Variants in VPS13D observed in about 807,000 individuals in gnomAD.
VPS13D encodes the protein intermembrane lipid transfer protein VPS13D.
In VPS13D, 187 loss-of-function variants were observed where a neutral mutation model predicts 461.9. The observed-to-expected ratio is 0.40, with a 90% CI of 0.36 to 0.46. The LOEUF (loss-of-function observed/expected upper bound fraction) is 0.46. Ranked by LOEUF, VPS13D falls within the 20% of genes least tolerant of loss-of-function variation. VPS13D has a pLI of 0.60. For missense variants in VPS13D, 4,711 were observed against 5,364.9 expected, an observed-to-expected ratio of 0.88 and a Z score of 3.81; for synonymous variants, 1,951 against 1,986.3, an observed-to-expected ratio of 0.98 and a Z score of 0.47.
In VPS13D at chr1:12,329,863, T is replaced by A; in HGVS notation, c.8232T>A (p.Pro2744=). Residue 2744 remains proline, a synonymous_variant, in exon 37 of 70, where the codon CCT becomes CCA. Coordinates refer to ENST00000620676, the MANE Select transcript of VPS13D (RefSeq NM_015378.4). The part of the protein sequence containing the change: ...LNFLQRVRTS[P]EGYAHFTLSG... ...TTCTTCAGCGTGTAAGAACTAGCCC[T>A]GAAGGCTATGCCCACTTCACCCTTT... 6.2e-7 allele frequency: 1 copy of A among 1,614,168 alleles called. No homozygotes were observed. The highest frequency in any genetic ancestry group is 8.5e-7 in the Non-Finnish European group (1 of 1,180,016).
chr1:12,236,040 A>G (rs991996829), intron 2 of VPS13D, among the ~76,000 whole-genome samples: 3 of 152,218 alleles, frequency 2.0e-5, no homozygotes, highest in African/African-American at 4.8e-5. Flanking sequence ...CAGTTTTAGA[A>G]TGTATCTTGT....
chr1:12,478,439 T>TG (rs1645664917), intron 67 of VPS13D: 1 of 178,508 alleles, frequency 5.6e-6, no homozygotes. Flanking sequence ...GACCGACAGT[T>TG]GAACCATATC....
intron 13 of VPS13D, among the ~76,000 whole-genome samples, chr1:12,266,189 G>A (rs1641261900): frequency 6.6e-6 from 1 of 152,068 alleles, no homozygotes; most frequent in Non-Finnish European, 1.5e-5. Context: ...AATAAAAAAG[G>A]AAATGACAAT....
At chr1:12,443,333 A>G (rs941849933) in intron 65 of VPS13D, among the ~76,000 whole-genome samples, 13 of 152,250 alleles carry the variant, frequency 8.5e-5, no homozygotes, top group African/African-American at 3.1e-4. Flanking sequence ...TCACTGCTGT[A>G]TAGTATTCCA....
intron 11 of VPS13D, 53 bp downstream of exon 11, chr1:12,260,847 T>C: frequency 6.2e-7 from 1 of 1,610,256 alleles, no homozygotes. Flanking sequence ...CCCTGAGTGC[T>C]ACAGTTTTGA....
chr1:12,502,641 G>GAAA lies in VPS13D; in HGVS notation c.12795-4200_12795-4198dup, dbSNP rs113179323. ...TCAGGTATATAAATGAGTTAATATC[G>GAAA]AAAAAAAAAAAAAAGAGCAGGAGGA... On this transcript the variant is annotated intron_variant, in intron 68 of 69. Transcript: ENST00000620676. This position sits in a 1 kb window ranked among gnomAD's most constrained non-coding sequence, Gnocchi z 4.3. 2.2e-5 allele frequency among the ~76,000 whole-genome samples: 3 copies of GAAA among 133,886 alleles called. No individual in the cohort carries two copies. The highest frequency in any genetic ancestry group is 5.4e-5 in the African/African-American group (2 of 36,978). The allele number at this position is 133,886 out of a possible 152,430, so 87.8% of individuals were successfully genotyped here. A position where few individuals can be genotyped will look rare whatever the true frequency, so the allele number is the denominator to read the frequency against.
At chr1:12,383,262 A>T (rs1644306512) in intron 58 of VPS13D, 107 bp downstream of exon 58, 23 of 1,168,416 alleles carry the variant, frequency 2.0e-5, no homozygotes, top group Non-Finnish European at 2.7e-5. Flanking sequence ...AGATATGAAG[A>T]TATGGTATCT....
chr1:12,485,751 C>T (rs1188384799), intron 67 of VPS13D, among the ~76,000 whole-genome samples: 3 of 152,118 alleles, frequency 2.0e-5, no homozygotes, highest in African/African-American at 7.2e-5. Context: ...AACCAGTTTG[C>T]CAAGGGTTGA....
rs570518366 is a variant in VPS13D at position 12,473,560 on chromosome 1, C to T, written c.12662+13164C>T. Among the ~76,000 whole-genome samples the T allele has an allele frequency of 7.7e-4, 117 of 152,166 alleles. No homozygotes were observed. The highest frequency in any genetic ancestry group is 2.6e-3 in the African/African-American group (110 of 41,522). ...ATTCCTTTGAGTCATATGCCTACCT[C>T]GGTGGGTGGTTACGTGGATTAAATT... On this transcript the variant is annotated intron_variant, in intron 67 of 69. Transcript: ENST00000620676. This position sits in a 1 kb window ranked among gnomAD's most constrained non-coding sequence, Gnocchi z 4.2.
In VPS13D at chr1:12,276,835, G is replaced by A; in HGVS notation, c.3247G>A (p.Glu1083Lys). Residue 1083 changes from glutamate to lysine, a missense_variant, in exon 19 of 70, where the codon GAA (glutamate) becomes AAA (lysine). Transcript: ENST00000620676. This position sits in a 1 kb window ranked among gnomAD's most constrained non-coding sequence, Gnocchi z 4.5. Reference protein sequence around the residue: ...TKEQESLIKLEYQFVSSECPS... With the variant: ...TKEQESLIKLKYQFVSSECPS... ...AGAGCAAGAGTCCCTTATTAAGTTG[G>A]AATATCAGTTTGTGAGTTCAGAGTG... 6.2e-7 allele frequency: 1 copy of A among 1,614,138 alleles called. No individual in the cohort carries two copies. The highest frequency in any genetic ancestry group is 1.1e-5 in the South Asian group (1 of 91,080).
At chr1:12,433,949 A>AGT (rs563130284) in intron 65 of VPS13D, among the ~76,000 whole-genome samples, 2,939 of 144,942 alleles carry the variant, frequency 0.02, 41 homozygotes, top group Middle Eastern at 0.035. Context: ...AGAGAGAGAG[A>AGT]GTGTGTGTGT....
At position 12,325,989 on chromosome 1, in the gene VPS13D, T is replaced by A. The variant is rs1569912022; in HGVS notation, c.7991-1659T>A. Among the ~76,000 whole-genome samples the A allele has an allele frequency of 5.3e-5, 8 of 150,842 alleles. 1 individual carries two copies. The highest frequency in any genetic ancestry group is 4.6e-4 in the Admixed American group (7 of 15,202). Reference sequence around the variant, plus strand: ...TTTACTTGATTTCTTTTTTTTTTTTTAATTTTTCTTTTTTAAAATTTTTTT... The same window carrying A: ...TTTACTTGATTTCTTTTTTTTTTTTAAATTTTTCTTTTTTAAAATTTTTTT... On this transcript the variant is annotated intron_variant, in intron 35 of 69. Transcript: ENST00000620676.
rs747718173 is a variant in VPS13D at position 12,349,364 on chromosome 1, C to T, written c.9421C>T (p.Arg3141Ter). 1.2e-6 allele frequency: 2 copies of T among 1,613,604 alleles called. No individual in the cohort carries two copies. The highest frequency in any genetic ancestry group is 1.7e-6 in the Non-Finnish European group (2 of 1,179,984). ...ECHSMDTEKS[R>*]FFRFCVAIKK... Reference sequence around the variant, plus strand: ...CCACTCTATGGACACAGAAAAAAGCCGATTTTTCAGGTATGTAGCACCACT... The same window carrying T: ...CCACTCTATGGACACAGAAAAAAGCTGATTTTTCAGGTATGTAGCACCACT... The change falls in exon 46 of 70, where the codon CGA becomes TGA. Residue 3141 changes from arginine (R) to a stop codon, truncating the protein, a stop_gained. Coordinates refer to ENST00000620676, the MANE Select transcript of VPS13D (RefSeq NM_015378.4). LOFTEE classifies it high-confidence loss of function.
At chr1:12,404,388 A>T (rs182743413) in intron 63 of VPS13D, among the ~76,000 whole-genome samples, 29 of 152,028 alleles carry the variant, frequency 1.9e-4, no homozygotes, top group African/African-American at 6.8e-4. Context: ...TCACCTTCCT[A>T]CTTCTCTCTT....
At chr1:12,267,721 G>A in intron 14 of VPS13D, 124 bp from the exon 15 acceptor site, 1 of 851,044 alleles carries the variant, frequency 1.2e-6, no homozygotes, top group African/African-American at 1.7e-5. Flanking sequence ...GTCAATCTGA[G>A]GTAAAGTGAG....
At chr1:12,326,295 T>A (rs1424996898) in intron 35 of VPS13D, among the ~76,000 whole-genome samples, 2 of 149,672 alleles carry the variant, frequency 1.3e-5, no homozygotes, top group African/African-American at 2.5e-5. Context: ...TTTTTTTTTT[T>A]AATTAAAGTT....
intron 68 of VPS13D, among the ~76,000 whole-genome samples, chr1:12,506,420 G>A (rs953868642): frequency 5.3e-5 from 8 of 152,340 alleles, no homozygotes; most frequent in Admixed American, 3.3e-4. Flanking sequence ...AGCGGATGGG[G>A]AGGTGCAGGT....
intron 48 of VPS13D, 128 bp downstream of exon 48, chr1:12,356,218 C>G: frequency 7.2e-7 from 1 of 1,387,490 alleles, no homozygotes; most frequent in East Asian, 2.4e-5. Context: ...TGAAACATTC[C>G]TGCTTCCATC....
In VPS13D at chr1:12,509,130, G is replaced by C. The variant is rs976310832; in HGVS notation, c.*106G>C. 5 of 1,405,548 alleles carry C rather than the reference G, an allele frequency of 3.6e-6. No individual in the cohort carries two copies. In the African/African-American group the frequency reaches 5.8e-5, roughly 16 times the overall value. 87.1% of individuals were successfully genotyped at this position (1,405,548 alleles called of 1,614,324 possible). A position where few individuals can be genotyped will look rare whatever the true frequency, so the allele number is the denominator to read the frequency against. On this transcript the variant is annotated 3_prime_UTR_variant, in exon 70 of 70. Transcript: ENST00000620676. ...GAGGCAGAACCGGAGTCGGGTTTGG[G>C]GAAGTTGTCAAGGAATGAGGGAAAG...
Sources: gnomAD v4.1 joint callset for allele counts (sites outside exome capture counted in the v4.1 genomes callset) on GRCh38, gnomAD v4.1.1 for gene constraint, Gnocchi (gnomAD v3.1) non-coding constraint, MANE v1.5 for transcripts, NCBI Gene and HGNC (gene_info 2026-07-23, HGNC 2026-07-21) for gene names.